Variants in MASP1 observed in about 807,000 individuals in gnomAD.
MASP1 encodes mannan-binding lectin serine protease 1.
MASP1 carries 59 observed loss-of-function variants against 77.1 expected under a neutral mutation model. The ratio of observed to expected loss-of-function variants is 0.77; its 90% CI spans 0.62 to 0.95. The LOEUF (loss-of-function observed/expected upper bound fraction) is 0.95, where lower values mean the gene tolerates loss of function less well. Ranked by LOEUF, MASP1 falls within the 40% of genes least tolerant of loss-of-function variation. The probability of loss-of-function intolerance (pLI) is 0.00; values close to 1 mark genes in which losing one functional copy is unlikely to be tolerated. For missense variants in MASP1, 885 were observed against 912.9 expected (o/e 0.97, Z 0.39); for synonymous variants, 362 against 354.5 (o/e 1.02, Z -0.24).
At chr3:187,280,298 A>T (rs1717306095) in intron 2 of MASP1, among the ~76,000 whole-genome samples, 3 of 152,388 alleles carry the variant, frequency 2.0e-5, no homozygotes, top group Middle Eastern at 6.8e-3. Flanking sequence ...GAACAGTGGC[A>T]TTGCATTACA....
At chr3:187,240,013 C>T (rs1288990281) in intron 10 of MASP1, among the ~76,000 whole-genome samples, 1 of 151,934 alleles carries the variant, frequency 6.6e-6, no homozygotes, top group Admixed American at 6.6e-5. Flanking sequence ...TAGAAACCTC[C>T]TGATATGGTT....
chr3:187,259,859 T>C (rs1016676375), intron 4 of MASP1, among the ~76,000 whole-genome samples: 1 of 152,202 alleles, frequency 6.6e-6, no homozygotes, highest in African/African-American at 2.4e-5. Flanking sequence ...CAAGCACAGA[T>C]GCTTATCCTG....
intron 10 of MASP1, 63 bp from the exon 11 acceptor site, chr3:187,236,630 G>T: frequency 6.2e-7 from 1 of 1,612,402 alleles, no homozygotes; most frequent in Non-Finnish European, 8.5e-7. Context: ...CCATGTGACA[G>T]GAGCCACAAA....
downstream of MASP1, chr3:187,229,997 ATTT>A: frequency 7.1e-7 from 1 of 1,412,482 alleles, no homozygotes; most frequent in Non-Finnish European, 9.7e-7. Flanking sequence ...AACATCTATT[ATTT>A]TTGCTCCTCC....
At position 187,239,340 on chromosome 3, in the gene MASP1, G is replaced by A. The variant is rs376267463; in HGVS notation, c.1303+2141C>T. Among the ~76,000 whole-genome samples the A allele has an allele frequency of 1.7e-4, 26 of 152,170 alleles. 2 individuals carry two copies. Among genetic ancestry groups the A allele is most frequent in the African/African-American group, 5.5e-4 (23 of 41,522 alleles). ...TGCACGCAGCCTGGGCAACAAGAGCGAAACTCTGTCTCAAAAAAAAGGTCA... is the reference window on the plus strand; with the variant it reads ...TGCACGCAGCCTGGGCAACAAGAGCAAAACTCTGTCTCAAAAAAAAGGTCA... On this transcript the variant is annotated intron_variant, in intron 10 of 10. Transcript: ENST00000296280.
intron 4 of MASP1, 109 bp downstream of exon 4, chr3:187,260,632 T>G (rs1032590021): frequency 2.0e-6 from 3 of 1,496,500 alleles, no homozygotes. Flanking sequence ...CATCATTGAC[T>G]TCATTTTTAC....
chr3:187,273,803 T>G (rs1560030116), intron 2 of MASP1, among the ~76,000 whole-genome samples: 1 of 152,186 alleles, frequency 6.6e-6, no homozygotes, highest in African/African-American at 2.4e-5. Flanking sequence ...TTGAAAGCCA[T>G]GTAAAGTAAA....
intron 2 of MASP1, 196 bp from the exon 3 acceptor site, chr3:187,262,916 T>C (rs1715719605): frequency 1.7e-6 from 1 of 576,182 alleles, no homozygotes; most frequent in Non-Finnish European, 3.1e-6. Context: ...ATCAGTTTCA[T>C]TCGTCTTATT....
intron 4 of MASP1, among the ~76,000 whole-genome samples, chr3:187,259,245 T>C (rs1015181497): frequency 6.6e-6 from 1 of 152,078 alleles, no homozygotes; most frequent in African/African-American, 2.4e-5. Flanking sequence ...AAAACTGTAG[T>C]TCTGAAAAAG....
chr3:187,291,387 C>G, intron 1 of MASP1: 1 of 590,116 alleles, frequency 1.7e-6, no homozygotes, highest in Non-Finnish European at 3.1e-6. Context: ...GCTTCAGCAG[C>G]GTCCGGAGCA....
exon 16 of MASP1, chr3:187,218,751 G>A (rs930816736): frequency 6.6e-6 from 1 of 152,376 alleles, no homozygotes; most frequent in Non-Finnish European, 1.5e-5. Context: ...TGATCCCTTG[G>A]AGGGCTTATA....
At chr3:187,285,172 G>T (rs536453908) in intron 2 of MASP1, among the ~76,000 whole-genome samples, 2 of 151,742 alleles carry the variant, frequency 1.3e-5, no homozygotes, top group Non-Finnish European at 2.9e-5. Context: ...TTTTTTGTGG[G>T]GGGTTCTCTA....
At chr3:187,220,052 T>C (rs1711941109) in exon 16 of MASP1, 1 of 1,612,490 alleles carries the variant, frequency 6.2e-7, no homozygotes, top group African/African-American at 1.3e-5. Context: ...CTGGTGGTGC[T>C]GGGGCTGAGG....
At chr3:187,236,753 C>A (rs1222854594) in intron 10 of MASP1, among the ~76,000 whole-genome samples, 186 bp from the exon 11 acceptor site, 1 of 152,182 alleles carries the variant, frequency 6.6e-6, no homozygotes, top group East Asian at 1.9e-4. Context: ...CTAAGTCTCT[C>A]TAGGCTGGCC....
At chr3:187,281,499 A>G (rs559601550) in intron 2 of MASP1, among the ~76,000 whole-genome samples, 2 of 152,340 alleles carry the variant, frequency 1.3e-5, no homozygotes, top group East Asian at 3.9e-4. Context: ...AAGGCAAGTC[A>G]GTGATATTTT....
chr3:187,268,173 T>C (rs930699017), intron 2 of MASP1, among the ~76,000 whole-genome samples: 13 of 152,134 alleles, frequency 8.5e-5, no homozygotes, highest in Non-Finnish European at 1.5e-4. Flanking sequence ...CTGCGGCAAC[T>C]TAGAAGGTAG....
At chr3:187,267,832 A>T (rs1255466748) in intron 2 of MASP1, among the ~76,000 whole-genome samples, 1 of 152,232 alleles carries the variant, frequency 6.6e-6, no homozygotes, top group Non-Finnish European at 1.5e-5. Flanking sequence ...GGGCTTTAAG[A>T]GAACTGCTTG....
At chr3:187,255,157 C>T (rs904408669) in intron 5 of MASP1, among the ~76,000 whole-genome samples, 7 of 152,140 alleles carry the variant, frequency 4.6e-5, no homozygotes, top group Non-Finnish European at 1.0e-4. Flanking sequence ...CCCAATCACA[C>T]GAGCCCATTC....
chr3:187,260,251 A>T (rs1269624440), intron 4 of MASP1, among the ~76,000 whole-genome samples: 2 of 152,190 alleles, frequency 1.3e-5, no homozygotes, highest in Admixed American at 6.5e-5. Flanking sequence ...AAACAAAGAT[A>T]GATAGAAGGA....
Sources: gnomAD v4.1 joint callset for allele counts (sites outside exome capture counted in the v4.1 genomes callset) on GRCh38, gnomAD v4.1.1 for gene constraint, MANE v1.5 for transcripts, NCBI Gene and HGNC (gene_info 2026-07-23, HGNC 2026-07-21) for gene names.